Variants in IL1RAPL1 observed in about 807,000 individuals in gnomAD.
The protein encoded by IL1RAPL1 is interleukin 1 receptor accessory protein like 1.
A neutral mutation model predicts 48.4 loss-of-function variants in IL1RAPL1; 3 were observed. The ratio of observed to expected loss-of-function variants is 0.06; its 90% CI spans 0.03 to 0.16. IL1RAPL1 has a LOEUF of 0.16. Ranked by LOEUF, IL1RAPL1 falls within the 10% of genes least tolerant of loss-of-function variation. IL1RAPL1 has a pLI of 1.00. For synonymous variants in IL1RAPL1, 185 were observed against 187.7 expected, an observed-to-expected ratio of 0.99 and a Z score of 0.12; for missense variants, 349 against 530.6, an observed-to-expected ratio of 0.66 and a Z score of 3.36.
chrX:29,920,904 C>T (rs1419059555), intron 8 of IL1RAPL1, among the ~76,000 whole-genome samples: 1 of 108,012 alleles, frequency 9.3e-6, no homozygotes, highest in East Asian at 2.8e-4. Context: ...AAGATTGCTC[C>T]TTTAGTGTAA....
At chrX:29,704,910 A>AT (rs1311767771) in intron 6 of IL1RAPL1, among the ~76,000 whole-genome samples, 4 of 110,673 alleles carry the variant, frequency 3.6e-5, no homozygotes, top group African/African-American at 6.6e-5. Context: ...CTACCTTTCA[A>AT]TTTTTTTAAT....
In IL1RAPL1 at chrX:29,039,867, G is replaced by C. The variant is rs184176827; in HGVS notation, c.83-243071G>C. On this transcript the variant is annotated intron_variant, in intron 2 of 10. Transcript: ENST00000378993. Reference sequence around the variant, plus strand: ...CCAAATCAAGATATTAAAGTTGCCTGATTTAGCATCCCTCAGGAGATATGC... The same window carrying C: ...CCAAATCAAGATATTAAAGTTGCCTCATTTAGCATCCCTCAGGAGATATGC... 8.9e-4 allele frequency among the ~76,000 whole-genome samples: 96 copies of C among 107,958 alleles called. 1 individual carries two copies. The highest frequency in any genetic ancestry group is 3.2e-3 in the African/African-American group (95 of 29,667). The allele number at this position is 107,958 out of a possible 115,157, so 93.7% of individuals were successfully genotyped here.
Position 29,146,162 on chromosome X carries a change from G to A in IL1RAPL1, c.83-136776G>A, listed in dbSNP as rs758259193. 6.3e-5 allele frequency among the ~76,000 whole-genome samples: 7 copies of A among 111,792 alleles called. No homozygotes were observed. In the South Asian group the frequency reaches 1.5e-3, roughly 24 times the overall value. ...TTGACCTGGCCTGACCTCATCTACC[G>A]CTACCTTTCCCTCTTGCTCACTCTT... is the stretch of plus-strand genomic sequence containing the variant. On this transcript the variant is annotated intron_variant, in intron 2 of 10. Transcript: ENST00000378993.
chrX:29,594,554 A>G (rs1923481822), intron 5 of IL1RAPL1, among the ~76,000 whole-genome samples: 1 of 111,586 alleles, frequency 9.0e-6, no homozygotes, highest in South Asian at 3.7e-4. Context: ...TCATGAAACC[A>G]TTCAGAACCA....
chrX:29,526,926 G>GA (rs1340115679), intron 5 of IL1RAPL1, among the ~76,000 whole-genome samples: 11 of 111,380 alleles, frequency 9.9e-5, no homozygotes, highest in African/African-American at 2.9e-4. Flanking sequence ...AGGTTAAAAT[G>GA]AAAAAATAAT....
intron 6 of IL1RAPL1, among the ~76,000 whole-genome samples, chrX:29,694,217 TC>T (rs1162758312): frequency 2.7e-5 from 3 of 112,160 alleles, no homozygotes; most frequent in Non-Finnish European, 5.6e-5. Flanking sequence ...ATCTGCTTTT[TC>T]TCAATTATCT....
At chrX:28,693,866 C>T (rs1161537278) in intron 1 of IL1RAPL1, among the ~76,000 whole-genome samples, 1 of 111,643 alleles carries the variant, frequency 9.0e-6, no homozygotes, top group Non-Finnish European at 1.9e-5. Context: ...TTTGAAGGCA[C>T]TAAATGCATC....
At chrX:29,271,823 T>G (rs1932046353) in intron 2 of IL1RAPL1, among the ~76,000 whole-genome samples, 1 of 112,482 alleles carries the variant, frequency 8.9e-6, no homozygotes, top group African/African-American at 3.2e-5. Flanking sequence ...GTTGTATGTT[T>G]ACTCTCTTGA....
intron 5 of IL1RAPL1, among the ~76,000 whole-genome samples, chrX:29,604,548 C>G (rs1490023110): frequency 9.0e-6 from 1 of 111,363 alleles, no homozygotes; most frequent in African/African-American, 3.3e-5. Context: ...AAGCGATTTG[C>G]CTGCCACAGC....
intron 1 of IL1RAPL1, among the ~76,000 whole-genome samples, chrX:28,623,386 T>A (rs902027425): frequency 2.7e-5 from 3 of 111,636 alleles, no homozygotes; most frequent in Non-Finnish European, 5.6e-5. Flanking sequence ...CTCAGGGAAT[T>A]TATCGCAACG....
At chrX:28,650,346 G>A (rs186625538) in intron 1 of IL1RAPL1, among the ~76,000 whole-genome samples, 38 of 111,292 alleles carry the variant, frequency 3.4e-4, no homozygotes, top group African/African-American at 9.5e-4. Flanking sequence ...CAATCATGGC[G>A]GGAGGCAAGG....
chrX:29,941,807 C>T lies in IL1RAPL1; in HGVS notation c.1201+13C>T. ...GAGCTCGATGGAGGTAGGATGTTAC[C>T]TCTTTTATTGTTCTTTCTGAATGTT... On this transcript the variant is annotated intron_variant, in intron 9 of 10. Coordinates refer to ENST00000378993, the MANE Select transcript of IL1RAPL1 (RefSeq NM_014271.4). 2.5e-6 allele frequency: 3 copies of T among 1,199,655 alleles called. No homozygotes were observed. Among genetic ancestry groups the T allele is most frequent in the Non-Finnish European group, 2.3e-6 (2 of 885,305 alleles).
chrX:29,946,847 G>A (rs898498441), intron 9 of IL1RAPL1, among the ~76,000 whole-genome samples: 1 of 112,022 alleles, frequency 8.9e-6, no homozygotes, highest in African/African-American at 3.2e-5. Context: ...GGCCCTGCTA[G>A]ATTTTTGTAA....
At chrX:29,920,845 A>G (rs1932842349) in intron 8 of IL1RAPL1, among the ~76,000 whole-genome samples, 1 of 108,515 alleles carries the variant, frequency 9.2e-6, no homozygotes, top group Admixed American at 1.0e-4. Context: ...AAAGAGAAAA[A>G]AAAAAAACAA....
chrX:28,743,873 A>G (rs1380009782), intron 1 of IL1RAPL1, among the ~76,000 whole-genome samples: 1 of 110,975 alleles, frequency 9.0e-6, no homozygotes, highest in Non-Finnish European at 1.9e-5. Context: ...AAATCCCTAT[A>G]CTATTCACTT....
In IL1RAPL1 at chrX:29,283,203, C is replaced by T. The variant is rs771224987; in HGVS notation, c.348C>T (p.Tyr116=). 1.2e-5 allele frequency: 14 copies of T among 1,209,104 alleles called. No homozygotes were observed. The highest frequency in any genetic ancestry group is 7.0e-5 in the African/African-American group (4 of 57,113). ...CATTGCTACAGGACAGTGGTCTCTA[C>T]GCCTGTGTCATCAGGTATCCCTTTA... ...RPTLLQDSGL[Y]ACVIRNSTYC... The change falls in exon 3 of 11, where the codon TAC becomes TAT. Residue 116 remains tyrosine (Y), a synonymous_variant. Coordinates refer to ENST00000378993, the MANE Select transcript of IL1RAPL1 (RefSeq NM_014271.4).
At chrX:29,747,195 C>G (rs1226878133) in intron 6 of IL1RAPL1, among the ~76,000 whole-genome samples, 1 of 111,861 alleles carries the variant, frequency 8.9e-6, no homozygotes, top group Non-Finnish European at 1.9e-5. Context: ...GGGACTCAAA[C>G]AGCTTGATGC....
At chrX:29,938,447 C>G (rs1224668241) in intron 8 of IL1RAPL1, among the ~76,000 whole-genome samples, 1 of 111,386 alleles carries the variant, frequency 9.0e-6, no homozygotes, top group Non-Finnish European at 1.9e-5. Context: ...TTGGGGGCAC[C>G]GTAAAAGAAT....
intron 6 of IL1RAPL1, among the ~76,000 whole-genome samples, chrX:29,708,397 C>T (rs1015839456): frequency 7.2e-5 from 8 of 111,871 alleles, no homozygotes; most frequent in Non-Finnish European, 1.5e-4. Context: ...CTGCCCCCCT[C>T]TGCAGCCTCT....
Sources: allele counts gnomAD v4.1 joint callset (sites outside exome capture counted in the v4.1 genomes callset), GRCh38; gene constraint gnomAD v4.1.1; transcripts MANE v1.5; gene names NCBI Gene and HGNC (gene_info 2026-07-23, HGNC 2026-07-21).